NBPF4: variants seen among roughly 807,000 people sequenced by gnomAD.
NBPF4 encodes the protein NBPF family member NBPF4.
NBPF4 carries 11 observed loss-of-function variants against 21.1 expected under a neutral mutation model. The observed-to-expected ratio is 0.52, with a 90% CI of 0.33 to 0.86. NBPF4 has a LOEUF of 0.86. NBPF4 is among the 40% of genes least tolerant of loss of function. The pLI, the probability that NBPF4 is intolerant of heterozygous loss-of-function variation, is 0.03. For synonymous variants in NBPF4, 47 were observed against 106.4 expected (o/e 0.44, Z 3.43); for missense variants, 88 against 265.3 (o/e 0.33, Z 4.64).
rs1649353890 is a variant in NBPF4, at chr1:108,222,994, C to T, written c.*711G>A. Among the ~76,000 whole-genome samples, 1 of 152,138 alleles carries T rather than the reference C, an allele frequency of 6.6e-6. No homozygotes were observed. Among genetic ancestry groups the T allele is most frequent in the African/African-American group, 2.4e-5 (1 of 41,494 alleles). On this transcript the variant is annotated 3_prime_UTR_variant, in exon 15 of 15. Transcript: ENST00000415641. The stretch of plus-strand genomic sequence containing the variant: ...AGCATGGACTCTGCAGAGTTCCTGG[C>T]AAAATGTTTAGGCTGAATTTAATCA...
At position 108,222,843 on chromosome 1, in the gene NBPF4, A is replaced by T. The variant is rs982603269; in HGVS notation, c.*862T>A. On this transcript the variant is annotated 3_prime_UTR_variant, in exon 15 of 15. Transcript: ENST00000415641. ...ACTTTCCAAATTACTTACAAATAAG[A>T]TGTCTTTACAAGGGACAGAGCTCCT... is the stretch of plus-strand genomic sequence containing the variant. 2.0e-5 allele frequency among the ~76,000 whole-genome samples: 3 copies of T among 152,200 alleles called. No individual in the cohort carries two copies. The highest frequency in any genetic ancestry group is 7.2e-5 in the African/African-American group (3 of 41,460).
chr1:108,256,551 C>CCCCTG, the NBPF4 span, among the ~76,000 whole-genome samples: 482 of 91,756 alleles, frequency 5.3e-3, 21 homozygotes, highest in African/African-American at 0.024. Context: ...CCCCTCCCCT[C>CCCCTG]CCCTGCCCTC....
At position 108,222,773 on chromosome 1, in the gene NBPF4, T is replaced by A. The variant is rs1009648992; in HGVS notation, c.*932A>T. 6.6e-6 allele frequency among the ~76,000 whole-genome samples: 1 copy of A among 152,204 alleles called. No homozygotes were observed. The highest frequency in any genetic ancestry group is 1.5e-5 in the Non-Finnish European group (1 of 68,042). ...GTGATTAATTGGTGATAAAATGTTC[T>A]GAAGAAGATCACTAGAATACAGGAT... On this transcript the variant is annotated 3_prime_UTR_variant, in exon 15 of 15. Coordinates refer to ENST00000415641, the MANE Select transcript of NBPF4 (RefSeq NM_001143989.3).
chr1:108,222,561 A>G lies in NBPF4; in HGVS notation c.*1144T>C, dbSNP rs1649334663. Among the ~76,000 whole-genome samples, 1 of 152,232 alleles carries G rather than the reference A, an allele frequency of 6.6e-6. No individual in the cohort carries two copies. The highest frequency in any genetic ancestry group is 1.5e-5 in the Non-Finnish European group (1 of 68,044). On this transcript the variant is annotated 3_prime_UTR_variant, in exon 15 of 15. Transcript: ENST00000415641. ...TGGATGAAAGTTATAATTGGGGCAG[A>G]GAATATTCTTTTTCACAACAGAATG...
upstream of NBPF4, among the ~76,000 whole-genome samples, chr1:108,245,902 T>C (rs963221516): frequency 1.3e-4 from 13 of 99,916 alleles, 3 homozygotes; most frequent in Middle Eastern, 4.6e-3. Flanking sequence ...AATTCAGAAG[T>C]GTCTGCAACC....
At chr1:108,229,282 G>A in intron 12 of NBPF4, 126 bp from the exon 13 acceptor site, 1 of 719,186 alleles carries the variant, frequency 1.4e-6, no homozygotes, top group African/African-American at 1.8e-5. Flanking sequence ...CACACAGACA[G>A]ACATCATGTA....
At chr1:108,226,165 G>A (rs2101673282) in intron 14 of NBPF4, among the ~76,000 whole-genome samples, 1 of 147,442 alleles carries the variant, frequency 6.8e-6, no homozygotes, top group East Asian at 2.0e-4. Flanking sequence ...GGCTCTTAGT[G>A]CTTAGTTTTA....
upstream of NBPF4, among the ~76,000 whole-genome samples, chr1:108,244,949 C>G (rs1333853116): frequency 3.9e-5 from 1 of 25,456 alleles, no homozygotes; most frequent in African/African-American, 1.5e-4. Flanking sequence ...TATATATATA[C>G]ACACACATAT....
At chr1:108,252,835 G>C in the NBPF4 span, among the ~76,000 whole-genome samples, 1 of 46,314 alleles carries the variant, frequency 2.2e-5, no homozygotes, top group Non-Finnish European at 3.6e-5. Flanking sequence ...CTAATGTTAG[G>C]TTGTTAATTT....
chr1:108,223,697 A>G lies in NBPF4; in HGVS notation c.*8T>C, dbSNP rs200834655. 6.4e-7 allele frequency: 1 copy of G among 1,570,974 alleles called. No homozygotes were observed. The highest frequency in any genetic ancestry group is 2.4e-5 in the East Asian group (1 of 42,052). On this transcript the variant is annotated 3_prime_UTR_variant, in exon 15 of 15. Coordinates refer to ENST00000415641, the MANE Select transcript of NBPF4 (RefSeq NM_001143989.3). ...TCAAGTGGAAAAGCTGCTTTTTGTG[A>G]CATTCTTTCATCCTGCCATCCTTTG...
At chr1:108,223,825 T>C (rs1649391632) in intron 14 of NBPF4, 79 bp from the exon 15 acceptor site, 1 of 1,285,408 alleles carries the variant, frequency 7.8e-7, no homozygotes, top group South Asian at 1.4e-5. Flanking sequence ...GAGGGATTGC[T>C]AAGCAGTGAT....
At chr1:108,258,048 A>G in the NBPF4 span, among the ~76,000 whole-genome samples, 1 of 132,364 alleles carries the variant, frequency 7.6e-6, no homozygotes, top group East Asian at 2.1e-4. Context: ...ATATCCCAAC[A>G]CCATTCTGTT....
upstream of NBPF4, among the ~76,000 whole-genome samples, chr1:108,248,001 T>C (rs1279642339): frequency 1.9e-4 from 29 of 151,992 alleles, no homozygotes; most frequent in Non-Finnish European, 4.0e-4. Context: ...TAATTTTTTG[T>C]AGAGACAAGG....
chr1:108,258,573 G>T, the NBPF4 span, among the ~76,000 whole-genome samples: 14 of 139,560 alleles, frequency 1.0e-4, 1 homozygote, highest in South Asian at 4.7e-4. Flanking sequence ...CAGGTGAAAA[G>T]AATCTTTTTC....
At chr1:108,224,855 G>A (rs982105051) in intron 14 of NBPF4, among the ~76,000 whole-genome samples, 2 of 150,752 alleles carry the variant, frequency 1.3e-5, no homozygotes, top group African/African-American at 2.4e-5. Context: ...GAGGCATGAA[G>A]AAGTATTCAT....
intron 14 of NBPF4, among the ~76,000 whole-genome samples, chr1:108,224,546 G>A (rs893193982): frequency 1.4e-5 from 2 of 145,350 alleles, no homozygotes; most frequent in African/African-American, 2.6e-5. Context: ...TTGTCCAAAG[G>A]TCATCAGGAA....
upstream of NBPF4, among the ~76,000 whole-genome samples, chr1:108,244,937 T>C (rs9435467): frequency 8.3e-5 from 3 of 35,984 alleles, no homozygotes; most frequent in Non-Finnish European, 1.7e-4. Flanking sequence ...TATATATATA[T>C]ATATATATAT....
rs1167781005 is a variant in NBPF4 at position 108,229,101 on chromosome 1, G to A, written c.1479C>T (p.His493=). The A allele has an allele frequency of 1.3e-6, 2 of 1,551,000 alleles. No homozygotes were observed. Among genetic ancestry groups the A allele is most frequent in the South Asian group, 1.2e-5 (1 of 84,016 alleles). Reference sequence around the variant, plus strand: ...CCTGTGAAACTTGCACCTCTGACTGGTGGTGGCTCAAGTCTCCACTCCAAG... The same window carrying A: ...CCTGTGAAACTTGCACCTCTGACTGATGGTGGCTCAAGTCTCCACTCCAAG... ...QGTWSGDLSH[H]QSEVQVSQAQ... The change falls in exon 13 of 15, where the codon CAC becomes CAT. Residue 493 remains histidine, a synonymous_variant. Transcript: ENST00000415641.
At chr1:108,248,371 AC>A (rs1201628125), upstream of NBPF4, among the ~76,000 whole-genome samples, 1 of 127,170 alleles carries the variant, frequency 7.9e-6, no homozygotes, top group Non-Finnish European at 1.6e-5. Context: ...CCTACTGGAA[AC>A]ATTAGTCAGA....
Sources: allele counts gnomAD v4.1 joint callset (sites outside exome capture counted in the v4.1 genomes callset), GRCh38; gene constraint gnomAD v4.1.1; transcripts MANE v1.5; gene names NCBI Gene and HGNC (gene_info 2026-07-23, HGNC 2026-07-21).